The following CCDC91 variants were observed in gnomAD, a reference collection of about 807,000 sequenced individuals.
CCDC91 encodes the protein coiled-coil domain-containing protein 91.
Under a neutral mutation model 63.2 loss-of-function variants are expected in CCDC91, and 48 were observed. The observed-to-expected ratio is 0.76, with a 90% CI of 0.60 to 0.97. The LOEUF (loss-of-function observed/expected upper bound fraction) is 0.97, where lower values mean the gene tolerates loss of function less well. CCDC91 is among the 50% of genes least tolerant of loss of function. The pLI, the probability that CCDC91 is intolerant of heterozygous loss-of-function variation, is 0.00. For synonymous variants in CCDC91, 167 were observed against 165.8 expected, an observed-to-expected ratio of 1.01 and a Z score of -0.06; for missense variants, 500 against 494.6, an observed-to-expected ratio of 1.01 and a Z score of -0.10.
At chr12:28,315,520 G>C (rs888106251) in intron 6 of CCDC91, among the ~76,000 whole-genome samples, 9 of 151,904 alleles carry the variant, frequency 5.9e-5, no homozygotes, top group African/African-American at 2.2e-4. Context: ...TGAAAATTTT[G>C]CTTTATACAG....
At chr12:28,429,452 T>G in intron 8 of CCDC91, among the ~76,000 whole-genome samples, 1 of 152,138 alleles carries the variant, frequency 6.6e-6, no homozygotes, top group East Asian at 1.9e-4. Context: ...TAAAACATTC[T>G]TTGCCTTTAA....
chr12:28,298,377 T>C (rs73083947), intron 3 of CCDC91, among the ~76,000 whole-genome samples: 1,910 of 145,026 alleles, frequency 0.013, 31 homozygotes, highest in African/African-American at 0.04. Flanking sequence ...TTTTTTTTTT[T>C]CCCCCCACAA....
intron 7 of CCDC91, among the ~76,000 whole-genome samples, chr12:28,364,137 A>G (rs1189414260): frequency 6.6e-6 from 1 of 152,030 alleles, no homozygotes; most frequent in Admixed American, 6.5e-5. Context: ...TGCAATCCCA[A>G]CACTTTGGGA....
intron 12 of CCDC91, among the ~76,000 whole-genome samples, chr12:28,502,184 C>T (rs554400749): frequency 5.0e-4 from 76 of 151,864 alleles, no homozygotes; most frequent in Non-Finnish European, 9.3e-4. Flanking sequence ...TAGAAAACCC[C>T]ATTGTCTCAG....
In CCDC91 at chr12:28,412,946, A is replaced by C. The variant is rs1309048594; in HGVS notation, c.762+21535A>C. ...CCACCAGGAAGAATAAAGGTTAGTC[A>C]CTGAAGATAACTTTAAATCCTTTTT... On this transcript the variant is annotated intron_variant, in intron 8 of 12. Coordinates refer to ENST00000536442, the MANE Select transcript of CCDC91 (RefSeq NM_018318.5). 3 of 311,220 alleles carry C rather than the reference A, an allele frequency of 9.6e-6. No individual in the cohort carries two copies. The East Asian group carries it at 3.0e-4, about 31-fold the overall frequency. 19.3% of individuals were successfully genotyped at this position (311,220 alleles called of 1,614,324 possible).
At chr12:28,464,514 A>G (rs1213732341) in intron 11 of CCDC91, among the ~76,000 whole-genome samples, 1 of 152,156 alleles carries the variant, frequency 6.6e-6, no homozygotes, top group East Asian at 1.9e-4. Flanking sequence ...CCACAGCAGG[A>G]TAGAGCATTG....
intron 11 of CCDC91, among the ~76,000 whole-genome samples, chr12:28,453,464 C>G (rs1020897704): frequency 1.3e-5 from 2 of 151,846 alleles, no homozygotes; most frequent in Non-Finnish European, 2.9e-5. Context: ...TTTTATGACT[C>G]ATTAATCTTA....
intron 12 of CCDC91, among the ~76,000 whole-genome samples, chr12:28,508,628 C>T (rs1939016739): frequency 6.6e-6 from 1 of 151,832 alleles, no homozygotes; most frequent in Non-Finnish European, 1.5e-5. Flanking sequence ...GCGTTCTTGA[C>T]ATGTGGAGCC....
At chr12:28,517,723 G>A (rs1217193148) in intron 12 of CCDC91, among the ~76,000 whole-genome samples, 1 of 151,596 alleles carries the variant, frequency 6.6e-6, no homozygotes, top group Non-Finnish European at 1.5e-5. Context: ...TGAGATTTTG[G>A]TGCACCCATC....
At chr12:28,468,854 C>T (rs191073726) in intron 11 of CCDC91, among the ~76,000 whole-genome samples, 84 of 151,974 alleles carry the variant, frequency 5.5e-4, no homozygotes, top group African/African-American at 1.9e-3. Flanking sequence ...TCATTTCAAT[C>T]GATGTTGAAA....
chr12:28,512,270 GT>G (rs1295575563), intron 12 of CCDC91, among the ~76,000 whole-genome samples: 7 of 151,618 alleles, frequency 4.6e-5, no homozygotes, highest in South Asian at 2.1e-4. Context: ...TTTTTCATCA[GT>G]TTTTTTTCCC....
intron 1 of CCDC91, among the ~76,000 whole-genome samples, chr12:28,227,796 T>C (rs1220542909): frequency 6.6e-6 from 1 of 152,150 alleles, no homozygotes; most frequent in Non-Finnish European, 1.5e-5. Flanking sequence ...ATTATGCATG[T>C]CACTTATTCA....
At chr12:28,502,737 A>G (rs1251326713) in intron 12 of CCDC91, among the ~76,000 whole-genome samples, 2 of 151,444 alleles carry the variant, frequency 1.3e-5, no homozygotes, top group East Asian at 1.9e-4. Flanking sequence ...AAACAGAGAT[A>G]TAGATCAATG....
At chr12:28,539,588 A>G (rs1942475541) in intron 12 of CCDC91, among the ~76,000 whole-genome samples, 1 of 151,992 alleles carries the variant, frequency 6.6e-6, no homozygotes, top group Non-Finnish European at 1.5e-5. Context: ...GTTTAGTGTT[A>G]TTTTTCAACA....
chr12:28,224,857 AC>A (rs1163224280), intron 1 of CCDC91, among the ~76,000 whole-genome samples: 2 of 152,210 alleles, frequency 1.3e-5, no homozygotes, highest in African/African-American at 4.8e-5. Flanking sequence ...GCGCAGAATT[AC>A]AACGGTAAAT....
intron 6 of CCDC91, among the ~76,000 whole-genome samples, chr12:28,347,849 G>A (rs1017560850): frequency 6.6e-5 from 10 of 152,190 alleles, no homozygotes; most frequent in Admixed American, 3.9e-4. Flanking sequence ...GGCAAGAATT[G>A]TATAGTGTGC....
At chr12:28,252,859 A>G (rs1314051923) in intron 1 of CCDC91, among the ~76,000 whole-genome samples, 47 of 152,154 alleles carry the variant, frequency 3.1e-4, no homozygotes, top group Non-Finnish European at 7.3e-5. Context: ...CACTTATATA[A>G]TGCTTAGAAT....
At chr12:28,446,457 T>C (rs1949505416) in intron 8 of CCDC91, among the ~76,000 whole-genome samples, 2 of 152,154 alleles carry the variant, frequency 1.3e-5, no homozygotes, top group East Asian at 3.9e-4. Flanking sequence ...ACAGAGACAG[T>C]TTAGAAGTAG....
intron 12 of CCDC91, among the ~76,000 whole-genome samples, chr12:28,512,000 C>G (rs1203249535): frequency 1.3e-5 from 2 of 151,846 alleles, no homozygotes; most frequent in Non-Finnish European, 2.9e-5. Flanking sequence ...TCATTAAAAA[C>G]ACACATGTAT....
Sources: gnomAD v4.1 joint callset for allele counts (sites outside exome capture counted in the v4.1 genomes callset) on GRCh38, gnomAD v4.1.1 for gene constraint, MANE v1.5 for transcripts, NCBI Gene and HGNC (gene_info 2026-07-23, HGNC 2026-07-21) for gene names.